Variants in MCM5 observed in about 807,000 individuals in gnomAD.
MCM5 encodes minichromosome maintenance complex component 5.
MCM5 carries 46 observed loss-of-function variants against 79.9 expected under a neutral mutation model. The observed-to-expected ratio is 0.58, with a 90% CI of 0.45 to 0.74. MCM5 has a LOEUF of 0.74. Among genes scored for constraint, MCM5 ranks in the 30% least tolerant of loss-of-function variants. MCM5 has a pLI of 0.00. For synonymous variants in MCM5, 404 were observed against 390.5 expected, an observed-to-expected ratio of 1.03 and a Z score of -0.41; for missense variants, 883 against 1,017.0, an observed-to-expected ratio of 0.87 and a Z score of 1.79.
intron 2 of MCM5, 67 bp from the exon 3 acceptor site, chr22:35,403,140 C>A (rs999154263): frequency 6.3e-7 from 1 of 1,587,868 alleles, no homozygotes; most frequent in Non-Finnish European, 8.6e-7. Context: ...GCAGGCACAC[C>A]TCAGCCAGTG....
rs779487985 is a variant in MCM5, at chr22:35,400,412, C to A, written c.-8-19C>A. On this transcript the variant is annotated intron_variant, in intron 1 of 16. Coordinates refer to ENST00000216122, the MANE Select transcript of MCM5 (RefSeq NM_006739.4). ...AGGCGCTGCCCCCAGCCTGTTCTGGCCGTTTGTTCCCACCCCAGGCGCAGT... is the reference window on the plus strand; with the variant it reads ...AGGCGCTGCCCCCAGCCTGTTCTGGACGTTTGTTCCCACCCCAGGCGCAGT... 6.2e-7 allele frequency: 1 copy of A among 1,613,856 alleles called. No individual in the cohort carries two copies. The highest frequency in any genetic ancestry group is 2.2e-5 in the East Asian group (1 of 44,878).
rs1932542928 is a variant in MCM5, at chr22:35,416,474, T to C, written c.1413+70T>C. ...TGGCCCAACCGTCCTCAGGCTGCCC[T>C]GATTGGGACCAAGTTCTCTTTGCCC... is the stretch of plus-strand genomic sequence containing the variant. On this transcript the variant is annotated intron_variant, in intron 11 of 16. Coordinates refer to ENST00000216122, the MANE Select transcript of MCM5 (RefSeq NM_006739.4). 9 of 1,529,410 alleles carry C rather than the reference T, an allele frequency of 5.9e-6. No homozygotes were observed. In the East Asian group the frequency reaches 2.0e-4, roughly 35 times the overall value. 94.7% of individuals were successfully genotyped at this position (1,529,410 alleles called of 1,614,324 possible).
At chr22:35,404,838 G>C (rs1227861483) in intron 4 of MCM5, among the ~76,000 whole-genome samples, 1 of 152,158 alleles carries the variant, frequency 6.6e-6, no homozygotes, top group Non-Finnish European at 1.5e-5. Context: ...TCCCAGTCCT[G>C]TACACTAGTG....
intron 15 of MCM5, 48 bp from the exon 16 acceptor site, chr22:35,423,166 C>G (rs373321540): frequency 1.3e-6 from 2 of 1,512,414 alleles, no homozygotes; most frequent in East Asian, 4.7e-5. Flanking sequence ...TGTCCAAGAA[C>G]TCCCATTGTC....
chr22:35,402,920 G>A (rs974594413), intron 2 of MCM5, among the ~76,000 whole-genome samples: 1 of 152,216 alleles, frequency 6.6e-6, no homozygotes, highest in Non-Finnish European at 1.5e-5. Context: ...GACAGAACTG[G>A]TTTGTTGTTT....
In MCM5 at chr22:35,421,313, C is replaced by T. The variant is rs2145801876; in HGVS notation, c.1833-5C>T. 1 of 1,611,618 alleles carries T rather than the reference C, an allele frequency of 6.2e-7. No individual in the cohort carries two copies. Among genetic ancestry groups the T allele is most frequent in the Admixed American group, 1.7e-5 (1 of 59,992 alleles). ...GCTACCCTGAGCACGCTGTTGCCCC[C>T]ACAGGCAGCTGGAGGCCATTGTGCG... On this transcript the variant is annotated splice_polypyrimidine_tract_variant and splice_region_variant and intron_variant, in intron 14 of 16. Transcript: ENST00000216122.
chr22:35,410,760 G>T lies in MCM5; in HGVS notation c.769G>T (p.Val257Phe), dbSNP rs1171983312. 1.9e-6 allele frequency: 3 copies of T among 1,614,072 alleles called. No individual in the cohort carries two copies. Among genetic ancestry groups the T allele is most frequent in the Admixed American group, 3.3e-5 (2 of 60,008 alleles). Residue 257 changes from valine (V) to phenylalanine (F), a missense_variant, in exon 7 of 17, where the codon GTC becomes TTC. This residue lies in a region of MCM5 where 455 missense variants were observed against 517.5 expected (regional missense o/e 0.88). Transcript: ENST00000216122. ...LYCDRYLCDKVVPGNRVTIMG... is the reference protein window; with the variant it reads ...LYCDRYLCDKFVPGNRVTIMG... ...TCCTCTCAGGTACCTGTGTGACAAG[G>T]TCGTCCCTGGGAACAGGGTTACCAT...
chr22:35,445,325 CT>C, the MCM5 span, among the ~76,000 whole-genome samples: 23 of 83,638 alleles, frequency 2.7e-4, no homozygotes, highest in South Asian at 1.3e-3. Context: ...TTTGACTATG[CT>C]TTTTTTTTTT....
intron 16 of MCM5, chr22:35,423,544 T>C: frequency 2.1e-6 from 1 of 475,964 alleles, no homozygotes; most frequent in South Asian, 4.7e-5. Flanking sequence ...GGGGGTATTT[T>C]TTCTGTCCCA....
chr22:35,443,325 T>C, the MCM5 span, among the ~76,000 whole-genome samples: 9 of 152,290 alleles, frequency 5.9e-5, no homozygotes, highest in East Asian at 1.5e-3. Flanking sequence ...TAGCTGGGAA[T>C]ACAGATGTGC....
intron 11 of MCM5, 71 bp from the exon 12 acceptor site, chr22:35,416,548 TGTGTGTGTGTGTGTGTGTG>T: frequency 1.2e-6 from 1 of 851,948 alleles, no homozygotes; most frequent in East Asian, 2.6e-5. Context: ...TGTGTGTGTG[TGTGTGTGTGTGTGTGTGTG>T]TGTGTAAACG....
intron 4 of MCM5, among the ~76,000 whole-genome samples, chr22:35,404,487 C>T (rs1932154418): frequency 6.6e-6 from 1 of 152,080 alleles, no homozygotes; most frequent in Admixed American, 6.6e-5. Context: ...ACCCCTTCCC[C>T]CCCGTGATTT....
In MCM5 at chr22:35,424,388, GC is replaced by G; in HGVS notation, c.*137del. 1.5e-6 allele frequency: 1 copy of G among 663,504 alleles called. No individual in the cohort carries two copies. The highest frequency in any genetic ancestry group is 2.5e-6 in the Non-Finnish European group (1 of 394,998). 41.1% of individuals were successfully genotyped at this position (663,504 alleles called of 1,614,324 possible). ...GAACTTCCCAGGCACCCTCCTTTCTGCCCCAGAGGAAGGAGCTGTAGTGTCC... is the reference window on the plus strand; with the variant it reads ...GAACTTCCCAGGCACCCTCCTTTCTGCCCAGAGGAAGGAGCTGTAGTGTCC... On this transcript the variant is annotated 3_prime_UTR_variant, in exon 17 of 17. Transcript: ENST00000216122.
intron 7 of MCM5, 125 bp downstream of exon 7, chr22:35,411,035 A>C (rs1932370071): frequency 3.6e-6 from 3 of 836,458 alleles, no homozygotes; most frequent in Admixed American, 6.0e-5. Flanking sequence ...ATATCATTAG[A>C]ACGTTCATTT....
chr22:35,410,871 A>G lies in MCM5; in HGVS notation c.880A>G (p.Ile294Val), dbSNP rs1165139432. The change falls in exon 7 of 17, where the codon ATC becomes GTC. Residue 294 changes from isoleucine (I) to valine (V), a missense_variant. This residue lies in a region of MCM5 where 455 missense variants were observed against 517.5 expected (regional missense o/e 0.88). Transcript: ENST00000216122. ...GGGCGTGGGCATCCGAAGCTCCTAC[A>G]TCCGTGTCCTGGGCATCCAGGTGGA... ...RVGVGIRSSY[I>V]RVLGIQVDTD... The G allele has an allele frequency of 3.1e-6, 5 of 1,611,268 alleles. No homozygotes were observed. Among genetic ancestry groups the G allele is most frequent in the Non-Finnish European group, 4.2e-6 (5 of 1,177,808 alleles).
At chr22:35,434,600 G>T in the MCM5 span, among the ~76,000 whole-genome samples, 8 of 152,346 alleles carry the variant, frequency 5.3e-5, no homozygotes, top group Non-Finnish European at 8.8e-5. Context: ...ATCTCCAGAA[G>T]TGGGATGAGA....
the MCM5 span, among the ~76,000 whole-genome samples, chr22:35,454,348 A>G: frequency 6.6e-6 from 1 of 152,050 alleles, no homozygotes; most frequent in African/African-American, 2.4e-5. Flanking sequence ...CTATTAAACA[A>G]ACACATGCCA....
At chr22:35,441,512 T>A in the MCM5 span, among the ~76,000 whole-genome samples, 2 of 152,214 alleles carry the variant, frequency 1.3e-5, no homozygotes, top group South Asian at 4.1e-4. Flanking sequence ...GAGTAGGTGA[T>A]TCCCTTGTGC....
At chr22:35,442,557 C>G in the MCM5 span, among the ~76,000 whole-genome samples, 19 of 152,270 alleles carry the variant, frequency 1.2e-4, no homozygotes, top group Non-Finnish European at 2.8e-4. Flanking sequence ...TTGCCAGCTT[C>G]CAGAGGCTGC....
Sources: gnomAD v4.1 joint callset for allele counts (sites outside exome capture counted in the v4.1 genomes callset) on GRCh38, gnomAD v4.1.1 for gene constraint, gnomAD v4.1.1 regional missense constraint, MANE v1.5 for transcripts, NCBI Gene and HGNC (gene_info 2026-07-23, HGNC 2026-07-21) for gene names.